The following MBD5 variants were observed in gnomAD, a reference collection of about 807,000 sequenced individuals.
MBD5 encodes the protein methyl-CpG-binding domain protein 5.
A neutral mutation model predicts 117.3 loss-of-function variants in MBD5; 13 were observed. The observed-to-expected ratio is 0.11, with a 90% CI of 0.07 to 0.18. The LOEUF is 0.18. Among genes scored for constraint, MBD5 ranks in the 10% least tolerant of loss-of-function variants. The pLI, the probability that MBD5 is intolerant of heterozygous loss-of-function variation, is 1.00. For missense variants in MBD5, 1,879 were observed against 2,093.8 expected (o/e 0.90, Z 2.00); for synonymous variants, 727 against 766.4 (o/e 0.95, Z 0.85).
rs183149763 is a variant in MBD5 at position 148,424,109 on chromosome 2, C to T, written c.-556-34094C>T. Reference sequence around the variant, plus strand: ...AGGAGAATGGCATGAACCCAGGAGGCGGAGCTTGCGGTGAGCTGAGATTGC... The same window carrying T: ...AGGAGAATGGCATGAACCCAGGAGGTGGAGCTTGCGGTGAGCTGAGATTGC... On this transcript the variant is annotated intron_variant, in intron 4 of 13. Transcript: ENST00000642680. Among the ~76,000 whole-genome samples, 67 of 128,834 alleles carry T rather than the reference C, an allele frequency of 5.2e-4. 1 individual carries two copies. In the East Asian group the frequency reaches 8.2e-3, roughly 16 times the overall value. The allele number at this position is 128,834 out of a possible 152,430, so 84.5% of individuals were successfully genotyped here. A position where few individuals can be genotyped will look rare whatever the true frequency, so the allele number is the denominator to read the frequency against.
At chr2:148,215,003 C>T (rs1278140476) in intron 2 of MBD5, among the ~76,000 whole-genome samples, 10 of 152,160 alleles carry the variant, frequency 6.6e-5, no homozygotes, top group Non-Finnish European at 1.5e-4. Context: ...TGCTCTTAAA[C>T]TTGACTATGG....
At chr2:148,145,018 A>C (rs1277308709) in intron 1 of MBD5, among the ~76,000 whole-genome samples, 1 of 152,220 alleles carries the variant, frequency 6.6e-6, no homozygotes, top group Non-Finnish European at 1.5e-5. Context: ...GATGGCATCG[A>C]ATCTATAAAT....
At chr2:148,255,280 C>T (rs771977703) in intron 3 of MBD5, among the ~76,000 whole-genome samples, 4 of 152,174 alleles carry the variant, frequency 2.6e-5, no homozygotes, top group Admixed American at 6.5e-5. Flanking sequence ...CTCAGCTCCC[C>T]GTGGTTCCTT....
chr2:148,509,544 C>T (rs923288917), intron 12 of MBD5, among the ~76,000 whole-genome samples: 1 of 152,230 alleles, frequency 6.6e-6, no homozygotes, highest in Middle Eastern at 3.2e-3. Flanking sequence ...CTGTTTCCCA[C>T]CCCGGAACAC....
chr2:148,253,802 T>G (rs1277991557), intron 3 of MBD5, among the ~76,000 whole-genome samples: 1 of 152,210 alleles, frequency 6.6e-6, no homozygotes, highest in African/African-American at 2.4e-5. Context: ...TTATACCTTT[T>G]ACAGACAATA....
intron 3 of MBD5, among the ~76,000 whole-genome samples, chr2:148,340,837 TACACACACACACACACAC>T (rs141965837): frequency 9.1e-5 from 13 of 142,558 alleles, no homozygotes; most frequent in Admixed American, 2.8e-4. Flanking sequence ...AAACCACACA[TACACACACACACACACAC>T]ACACACACAC....
At chr2:148,173,467 T>A (rs932449342) in intron 1 of MBD5, among the ~76,000 whole-genome samples, 1 of 152,172 alleles carries the variant, frequency 6.6e-6, no homozygotes, top group Admixed American at 6.5e-5. Context: ...GGCTCACCCT[T>A]GGCAAGTGTG....
chr2:148,414,066 T>G lies in MBD5; in HGVS notation c.-556-44137T>G, dbSNP rs1043719772. On this transcript the variant is annotated intron_variant, in intron 4 of 13. Transcript: ENST00000642680. ...TCTTCTAAGTGTGATATTATGTTGTTAATTTGAGATCTTCCTCACTTTTTG... is the reference window on the plus strand; with the variant it reads ...TCTTCTAAGTGTGATATTATGTTGTGAATTTGAGATCTTCCTCACTTTTTG... Among the ~76,000 whole-genome samples, 7 of 152,062 alleles carry G rather than the reference T, an allele frequency of 4.6e-5. No individual in the cohort carries two copies. The South Asian group carries it at 1.2e-3, about 27-fold the overall frequency.
At position 148,387,454 on chromosome 2, in the gene MBD5, A is replaced by G. The variant is rs565471139; in HGVS notation, c.-557+45118A>G. 2.7e-3 allele frequency among the ~76,000 whole-genome samples: 408 copies of G among 152,282 alleles called. 2 individuals carry two copies. The highest frequency in any genetic ancestry group is 4.2e-3 in the Non-Finnish European group (285 of 68,000). On this transcript the variant is annotated intron_variant, in intron 4 of 13. Transcript: ENST00000642680. ...CATACAGCAAGTATCATTCTTCCCA[A>G]TGAAGTACTAGAAGCATTTACTTTA...
chr2:148,444,852 G>A (rs529535932), intron 4 of MBD5, among the ~76,000 whole-genome samples: 6 of 150,842 alleles, frequency 4.0e-5, no homozygotes, highest in South Asian at 2.1e-4. Flanking sequence ...TGAGGACTAC[G>A]TTCTCTTCAT....
At chr2:148,158,895 G>T (rs905440082) in intron 1 of MBD5, among the ~76,000 whole-genome samples, 5 of 151,834 alleles carry the variant, frequency 3.3e-5, no homozygotes, top group Non-Finnish European at 5.9e-5. Context: ...AATTTTTTTT[G>T]GTATTTTTAG....
rs188044345 is a variant in MBD5 at position 148,176,145 on chromosome 2, T to G, written c.-924-2555T>G. On this transcript the variant is annotated intron_variant, in intron 1 of 13. Transcript: ENST00000642680. ...AAAATCTGAGATCTTTAGCATTACA[T>G]GCATGTAAAAAGAATACTTTATTAA... Among the ~76,000 whole-genome samples, 14 of 152,242 alleles carry G rather than the reference T, an allele frequency of 9.2e-5. No individual in the cohort carries two copies. In the East Asian group the frequency reaches 2.1e-3, roughly 23 times the overall value.
intron 3 of MBD5, among the ~76,000 whole-genome samples, chr2:148,287,289 A>G (rs991403053): frequency 1.3e-5 from 2 of 152,204 alleles, no homozygotes; most frequent in Admixed American, 6.5e-5. Flanking sequence ...TGCATATTTT[A>G]TAGGCATAGA....
chr2:148,136,315 T>C (rs1327387439), intron 1 of MBD5, among the ~76,000 whole-genome samples: 3 of 152,026 alleles, frequency 2.0e-5, no homozygotes, highest in Non-Finnish European at 4.4e-5. Flanking sequence ...GAATTTATAA[T>C]CTGGGGGGTA....
intron 1 of MBD5, among the ~76,000 whole-genome samples, chr2:148,122,538 T>C (rs1213744722): frequency 1.3e-5 from 2 of 152,208 alleles, no homozygotes; most frequent in African/African-American, 4.8e-5. Context: ...AAGTTGTTAA[T>C]GTTTAAAAAT....
At position 148,446,859 on chromosome 2, in the gene MBD5, A is replaced by G. The variant is rs140389596; in HGVS notation, c.-556-11344A>G. On this transcript the variant is annotated intron_variant, in intron 4 of 13. Transcript: ENST00000642680. ...TAGGAGAAAGTAAACAGGTTATAAG[A>G]TCTCAAGTATACCTTTGAAAGACTT... 6.8e-3 allele frequency among the ~76,000 whole-genome samples: 1,039 copies of G among 152,146 alleles called. 13 individuals are homozygous for G. The highest frequency in any genetic ancestry group is 0.024 in the African/African-American group (1,010 of 41,518).
chr2:148,306,274 C>T (rs1369814377), intron 3 of MBD5, among the ~76,000 whole-genome samples: 1 of 152,080 alleles, frequency 6.6e-6, no homozygotes, highest in Non-Finnish European at 1.5e-5. Flanking sequence ...AAGCCAGGTA[C>T]CAGGCTGGTA....
At chr2:148,040,110 T>A (rs1395317018) in intron 1 of MBD5, among the ~76,000 whole-genome samples, 1 of 152,134 alleles carries the variant, frequency 6.6e-6, no homozygotes, top group Non-Finnish European at 1.5e-5. Flanking sequence ...CAAAATAATC[T>A]GTGCACCAAA....
At chr2:148,484,289 C>A (rs1476676958) in intron 9 of MBD5, among the ~76,000 whole-genome samples, 154 bp downstream of exon 9, 2 of 152,154 alleles carry the variant, frequency 1.3e-5, no homozygotes, top group Non-Finnish European at 2.9e-5. Context: ...AACACCCACA[C>A]ACAACCATAG....
Sources: allele counts gnomAD v4.1 joint callset (sites outside exome capture counted in the v4.1 genomes callset), GRCh38; gene constraint gnomAD v4.1.1; transcripts MANE v1.5; gene names NCBI Gene and HGNC (gene_info 2026-07-23, HGNC 2026-07-21).